The following ERC2 variants were observed in gnomAD, a reference collection of about 807,000 sequenced individuals.
The protein encoded by ERC2 is ERC protein 2.
A neutral mutation model predicts 114.8 loss-of-function variants in ERC2; 42 were observed. That is an observed-to-expected ratio of 0.37 (90% confidence interval 0.29 to 0.47). The LOEUF is 0.47. ERC2 is among the 20% of genes least tolerant of loss of function. The pLI is 0.99. For synonymous variants in ERC2, 454 were observed against 425.5 expected (o/e 1.07, Z -0.82); for missense variants, 939 against 1,150.7 (o/e 0.82, Z 2.66).
intron 15 of ERC2, among the ~76,000 whole-genome samples, chr3:55,709,748 G>A (rs1180999382): frequency 6.6e-6 from 1 of 152,208 alleles, no homozygotes; most frequent in African/African-American, 2.4e-5. Flanking sequence ...GGGAGAGAAG[G>A]GATGGGGTGA....
intron 16 of ERC2, among the ~76,000 whole-genome samples, chr3:55,689,793 G>A (rs1483354221): frequency 2.7e-5 from 4 of 145,484 alleles, no homozygotes; most frequent in African/African-American, 7.7e-5. Context: ...GCGAGACTCC[G>A]TCTCAAAAAA....
intron 3 of ERC2, among the ~76,000 whole-genome samples, chr3:56,213,188 C>T (rs1288111976): frequency 1.3e-5 from 2 of 152,124 alleles, no homozygotes; most frequent in Admixed American, 6.5e-5. Flanking sequence ...GGGTGCGGTG[C>T]ACCGAGCATG....
chr3:55,692,452 G>A lies in ERC2; in HGVS notation c.2847+6926C>T, dbSNP rs149723615. 8.1e-4 allele frequency among the ~76,000 whole-genome samples: 123 copies of A among 152,304 alleles called. 1 individual carries two copies. The highest frequency in any genetic ancestry group is 2.7e-3 in the African/African-American group (112 of 41,564). On this transcript the variant is annotated intron_variant, in intron 16 of 17. Transcript: ENST00000288221. Reference sequence around the variant, plus strand: ...GTCACCTGCCTCCAGCCACAACATCGATGAGGACATAATTGCAGGGATGGC... The same window carrying A: ...GTCACCTGCCTCCAGCCACAACATCAATGAGGACATAATTGCAGGGATGGC...
At chr3:55,601,800 C>G (rs1194973935) in intron 17 of ERC2, among the ~76,000 whole-genome samples, 1 of 152,222 alleles carries the variant, frequency 6.6e-6, no homozygotes, top group African/African-American at 2.4e-5. Flanking sequence ...GCACTCTAGA[C>G]TGGGCTACAC....
chr3:55,704,949 C>T (rs1349275429), intron 15 of ERC2, among the ~76,000 whole-genome samples: 2 of 152,156 alleles, frequency 1.3e-5, no homozygotes, highest in Admixed American at 6.5e-5. Context: ...ATTCTTGGGG[C>T]CCTCTTTTAC....
intron 3 of ERC2, among the ~76,000 whole-genome samples, chr3:56,277,370 C>A (rs2054072522): frequency 6.6e-6 from 1 of 152,168 alleles, no homozygotes. Flanking sequence ...AAACCCACAT[C>A]TCTAGCCTAG....
chr3:55,601,027 C>T (rs987803741), intron 17 of ERC2, among the ~76,000 whole-genome samples: 1 of 152,240 alleles, frequency 6.6e-6, no homozygotes, highest in Non-Finnish European at 1.5e-5. Flanking sequence ...AGCAGGTTCG[C>T]ACACCATGCG....
chr3:55,604,470 C>T (rs1315516534), intron 17 of ERC2, among the ~76,000 whole-genome samples: 1 of 151,954 alleles, frequency 6.6e-6, no homozygotes, highest in Non-Finnish European at 1.5e-5. Context: ...TTCTCTCTAC[C>T]CTACTTCCCT....
intron 17 of ERC2, among the ~76,000 whole-genome samples, chr3:55,600,563 CATT>C (rs2148526651): frequency 6.6e-6 from 1 of 152,282 alleles, no homozygotes; most frequent in East Asian, 1.9e-4. Flanking sequence ...CAGATCAAGA[CATT>C]ATTTCTGGTT....
chr3:55,650,414 C>G (rs1429869380), intron 17 of ERC2, among the ~76,000 whole-genome samples: 1 of 152,178 alleles, frequency 6.6e-6, no homozygotes, highest in Non-Finnish European at 1.5e-5. Context: ...CATGCTGGCT[C>G]CTTCTCATCC....
chr3:55,903,726 T>G (rs907165012), intron 13 of ERC2, among the ~76,000 whole-genome samples: 2 of 152,238 alleles, frequency 1.3e-5, no homozygotes, highest in Admixed American at 6.5e-5. Flanking sequence ...TTAGGCTGTG[T>G]AATTTTGTGC....
chr3:56,460,262 G>GT (rs964085736), intron 1 of ERC2, among the ~76,000 whole-genome samples: 11 of 152,214 alleles, frequency 7.2e-5, no homozygotes, highest in Non-Finnish European at 1.6e-4. Context: ...TGTTTCTGTT[G>GT]TAATTGTGGG....
chr3:55,771,944 TGGAG>T (rs1480849611), intron 14 of ERC2, among the ~76,000 whole-genome samples: 2 of 152,138 alleles, frequency 1.3e-5, no homozygotes, highest in African/African-American at 4.8e-5. Context: ...ACCACTCACT[TGGAG>T]GGGTGAAATA....
chr3:56,406,157 T>C (rs1241017729), intron 2 of ERC2, among the ~76,000 whole-genome samples: 1 of 152,220 alleles, frequency 6.6e-6, no homozygotes, highest in Non-Finnish European at 1.5e-5. Context: ...CTTCCCAAAG[T>C]ACTGGGATTA....
Position 56,149,034 on chromosome 3 carries a change from T to C in ERC2, c.1248A>G (p.Glu416=), listed in dbSNP as rs1260103951. ...AAACCTCAATTTGTTTGATCTCTTC[T>C]TCGCGGTCCTCAGTGTTCAGCACAC... The part of the protein sequence containing the change: ...ANGVLNTEDR[E]EEIKQIEVYK... The change falls in exon 5 of 18, where the codon GAA becomes GAG. Residue 416 remains glutamate (E), a synonymous_variant. Transcript: ENST00000288221. 5 of 1,613,430 alleles carry C rather than the reference T, an allele frequency of 3.1e-6. No homozygotes were observed. The highest frequency in any genetic ancestry group is 3.4e-6 in the Non-Finnish European group (4 of 1,179,628).
At chr3:55,926,415 T>TTGTTTTTTAA in intron 13 of ERC2, among the ~76,000 whole-genome samples, 1 of 148,382 alleles carries the variant, frequency 6.7e-6, no homozygotes, top group South Asian at 2.1e-4. Context: ...TTTTTGTTTT[T>TTGTTTTTTAA]AAAAAAAAAA....
intron 7 of ERC2, among the ~76,000 whole-genome samples, chr3:56,059,478 GTAAGT>G: frequency 6.6e-6 from 1 of 152,110 alleles, no homozygotes. Context: ...GCTACAGGAA[GTAAGT>G]GACTTTGGAC....
intron 14 of ERC2, among the ~76,000 whole-genome samples, chr3:55,737,117 C>T (rs1368584829): frequency 6.6e-6 from 1 of 152,158 alleles, no homozygotes; most frequent in Non-Finnish European, 1.5e-5. Flanking sequence ...AGACCAGGCC[C>T]TCTCCAGATG....
At chr3:55,870,597 AT>A in intron 14 of ERC2, among the ~76,000 whole-genome samples, 1 of 152,220 alleles carries the variant, frequency 6.6e-6, no homozygotes, top group Non-Finnish European at 1.5e-5. Flanking sequence ...TAGGGCCAAG[AT>A]TCAAATCCAA....
Sources: allele counts gnomAD v4.1 joint callset (sites outside exome capture counted in the v4.1 genomes callset), GRCh38; gene constraint gnomAD v4.1.1; transcripts MANE v1.5; gene names NCBI Gene and HGNC (gene_info 2026-07-23, HGNC 2026-07-21).